Variants in FRMD4A observed in about 807,000 individuals in gnomAD.
The protein encoded by FRMD4A is FERM domain containing 4A.
A neutral mutation model predicts 129.1 loss-of-function variants in FRMD4A; 29 were observed. That is an observed-to-expected ratio of 0.22 (90% CI 0.17 to 0.31). The LOEUF is 0.31. FRMD4A is among the 10% of genes least tolerant of loss of function. The pLI, the probability that FRMD4A is intolerant of heterozygous loss-of-function variation, is 1.00. For synonymous variants in FRMD4A, 634 were observed against 571.6 expected (o/e 1.11, Z -1.56); for missense variants, 1,272 against 1,375.8 (o/e 0.92, Z 1.19).
intron 2 of FRMD4A, among the ~76,000 whole-genome samples, chr10:14,025,043 G>A (rs988272487): frequency 2.6e-5 from 4 of 152,188 alleles, no homozygotes; most frequent in African/African-American, 4.8e-5. Context: ...TTTTGTACAC[G>A]ATGACTGAAA....
At chr10:13,834,020 G>A (rs1446218605) in intron 3 of FRMD4A, among the ~76,000 whole-genome samples, 1 of 152,150 alleles carries the variant, frequency 6.6e-6, no homozygotes, top group Non-Finnish European at 1.5e-5. Context: ...GACTTTGGGA[G>A]GCCACGGGGG....
At chr10:13,836,028 T>C (rs1261487306) in intron 3 of FRMD4A, among the ~76,000 whole-genome samples, 1 of 136,738 alleles carries the variant, frequency 7.3e-6, no homozygotes, top group African/African-American at 2.7e-5. Flanking sequence ...GATGGAGTCT[T>C]ACTCTGTTGC....
chr10:14,055,497 A>T (rs988852021), intron 2 of FRMD4A, among the ~76,000 whole-genome samples: 4 of 146,538 alleles, frequency 2.7e-5, no homozygotes, highest in African/African-American at 7.6e-5. Context: ...ACACACACAC[A>T]CTCAAGACCT....
At chr10:14,160,017 TCCAG>T (rs1167042779) in intron 2 of FRMD4A, among the ~76,000 whole-genome samples, 1 of 152,164 alleles carries the variant, frequency 6.6e-6, no homozygotes, top group Non-Finnish European at 1.5e-5. Context: ...GCCACTGCAC[TCCAG>T]CCTGGGCAAC....
chr10:14,036,958 G>T (rs1455320710), intron 2 of FRMD4A, among the ~76,000 whole-genome samples: 3 of 152,184 alleles, frequency 2.0e-5, no homozygotes, highest in African/African-American at 7.2e-5. Context: ...TATTTTTTGA[G>T]TAGGTAATAT....
intron 2 of FRMD4A, among the ~76,000 whole-genome samples, chr10:14,287,684 C>A (rs548223065): frequency 6.6e-6 from 1 of 151,990 alleles, no homozygotes; most frequent in Middle Eastern, 3.2e-3. Flanking sequence ...GGAAATAAGG[C>A]GCCTCTCCAC....
chr10:13,677,274 G>GGTGA (rs2084089598), intron 15 of FRMD4A, among the ~76,000 whole-genome samples: 1 of 152,018 alleles, frequency 6.6e-6, no homozygotes, highest in African/African-American at 2.4e-5. Context: ...ATCTGTCACC[G>GGTGA]CAGAAACATA....
At position 14,324,947 on chromosome 10, in the gene FRMD4A, C is replaced by T. The variant is rs1172268009; in HGVS notation, c.45+5111G>A. On this transcript the variant is annotated intron_variant, in intron 2 of 24. Transcript: ENST00000357447. ...AAGTGCTGGGATTACAGGCATGAGC[C>T]ACCGCACCTGGCCTGTATCTAAATT... 8.5e-5 allele frequency among the ~76,000 whole-genome samples: 13 copies of T among 152,332 alleles called. No individual in the cohort carries two copies. The South Asian group carries it at 1.9e-3, about 22-fold the overall frequency.
At chr10:14,027,972 G>C (rs1426138471) in intron 2 of FRMD4A, among the ~76,000 whole-genome samples, 2 of 152,048 alleles carry the variant, frequency 1.3e-5, no homozygotes. Context: ...GGAGGAAGTA[G>C]AACCACACCA....
chr10:13,657,808 A>G (rs1314105636), intron 21 of FRMD4A, among the ~76,000 whole-genome samples: 1 of 124,532 alleles, frequency 8.0e-6, no homozygotes, highest in African/African-American at 4.2e-5. Context: ...TTTTTTAAAT[A>G]ATTCTATAGA....
At chr10:14,070,325 T>A (rs1470563213) in intron 2 of FRMD4A, among the ~76,000 whole-genome samples, 1 of 152,258 alleles carries the variant, frequency 6.6e-6, no homozygotes, top group Non-Finnish European at 1.5e-5. Flanking sequence ...AATTGTAATG[T>A]AATTTACAGC....
chr10:14,297,976 C>G (rs887352781), intron 2 of FRMD4A, among the ~76,000 whole-genome samples: 2 of 152,102 alleles, frequency 1.3e-5, no homozygotes, highest in South Asian at 2.1e-4. Flanking sequence ...AGCTGTTACA[C>G]GAGGGAAATA....
At chr10:13,971,632 C>T (rs1013933818) in intron 2 of FRMD4A, 3 of 1,263,188 alleles carry the variant, frequency 2.4e-6, no homozygotes, top group South Asian at 1.2e-5. Flanking sequence ...TTCAAAGAAA[C>T]GAAAGAGGAG....
chr10:13,985,797 G>C (rs982716744), intron 2 of FRMD4A, among the ~76,000 whole-genome samples: 5 of 152,210 alleles, frequency 3.3e-5, no homozygotes, highest in African/African-American at 1.2e-4. Flanking sequence ...TTTAGAGCAG[G>C]TTTACACTGC....
chr10:14,269,409 G>T (rs1845084993), intron 2 of FRMD4A, among the ~76,000 whole-genome samples: 1 of 152,144 alleles, frequency 6.6e-6, no homozygotes, highest in Non-Finnish European at 1.5e-5. Context: ...TAAAATCAGG[G>T]TGTCCACTGG....
chr10:13,654,368 G>C (rs2081955676), intron 23 of FRMD4A, 48 bp downstream of exon 23: 4 of 1,170,620 alleles, frequency 3.4e-6, no homozygotes, highest in Admixed American at 1.7e-5. Context: ...GAACGTCTAT[G>C]ACACTCTTTC....
chr10:14,099,785 A>C (rs1393637630), intron 2 of FRMD4A, among the ~76,000 whole-genome samples: 2 of 152,142 alleles, frequency 1.3e-5, no homozygotes, highest in Admixed American at 6.5e-5. Flanking sequence ...GAGCCTGATA[A>C]TTTCTTTTTA....
At chr10:14,159,704 C>G (rs1390324911) in intron 2 of FRMD4A, among the ~76,000 whole-genome samples, 2 of 151,984 alleles carry the variant, frequency 1.3e-5, no homozygotes, top group Non-Finnish European at 2.9e-5. Context: ...AAAGAAAAAA[C>G]AAAAACAACA....
intron 2 of FRMD4A, among the ~76,000 whole-genome samples, chr10:13,886,634 G>A (rs1027243989): frequency 6.6e-6 from 1 of 151,630 alleles, no homozygotes; most frequent in Non-Finnish European, 1.5e-5. Context: ...AGGCTGGAGC[G>A]CAATGGTGCA....
Sources: gnomAD v4.1 joint callset for allele counts (sites outside exome capture counted in the v4.1 genomes callset) on GRCh38, gnomAD v4.1.1 for gene constraint, MANE v1.5 for transcripts, NCBI Gene and HGNC (gene_info 2026-07-23, HGNC 2026-07-21) for gene names.